Variants in POC1B observed in about 807,000 individuals in gnomAD.
The protein encoded by POC1B is POC1 centriolar protein homolog B.
In POC1B, 44 loss-of-function variants were observed where a neutral mutation model predicts 60.6. The ratio of observed to expected loss-of-function variants is 0.73; its 90% CI spans 0.57 to 0.93. The LOEUF is 0.93. Ranked by LOEUF, POC1B falls within the 40% of genes least tolerant of loss-of-function variation. POC1B has a pLI of 0.00. For missense variants in POC1B, 555 were observed against 572.3 expected, an observed-to-expected ratio of 0.97 and a Z score of 0.31; for synonymous variants, 180 against 198.9, an observed-to-expected ratio of 0.90 and a Z score of 0.80.
intron 7 of POC1B, among the ~76,000 whole-genome samples, chr12:89,469,878 A>AT (rs34404733): frequency 3.5e-4 from 52 of 147,410 alleles, no homozygotes; most frequent in Middle Eastern, 3.5e-3. Context: ...TTTTTCTTCC[A>AT]TTTTTTTTTT....
intron 7 of POC1B, among the ~76,000 whole-genome samples, chr12:89,468,004 G>A (rs911618436): frequency 6.6e-5 from 10 of 152,066 alleles, no homozygotes; most frequent in African/African-American, 2.4e-4. Context: ...TCTGGCTTTG[G>A]ACTCTGTATT....
the POC1B span, among the ~76,000 whole-genome samples, chr12:89,414,348 C>T: frequency 7.9e-5 from 12 of 152,078 alleles, no homozygotes; most frequent in Non-Finnish European, 8.8e-5. Flanking sequence ...GATTTGACTC[C>T]GAAGAAAATG....
At chr12:89,525,264 G>A in intron 1 of POC1B, 60 bp from the exon 2 acceptor site, 1 of 1,555,216 alleles carries the variant, frequency 6.4e-7, no homozygotes, top group East Asian at 2.3e-5. Context: ...CTGGCGGCTG[G>A]GATCCACGCT....
At position 89,425,215 on chromosome 12, in the gene POC1B, G is replaced by A. The variant is rs754250226; in HGVS notation, c.1278C>T (p.Leu426=). The A allele has an allele frequency of 8.7e-6, 14 of 1,614,042 alleles. No individual in the cohort carries two copies. Among genetic ancestry groups the A allele is most frequent in the Middle Eastern group, 1.6e-4 (1 of 6,084 alleles). ...TATGCTCTAAAGCATCAGTCACAGC[G>A]AGAGGTATGCTCCTTTGACTTTCAC... ...LPCESQRSIP[L]AVTDALEHIM... is the part of the protein sequence containing the mutation. The change falls in exon 11 of 12, where the codon CTC becomes CTT. Residue 426 remains leucine (L), a synonymous_variant. Transcript: ENST00000313546.
Position 89,524,741 on chromosome 12 carries a change from G to A in POC1B, c.100+379C>T, listed in dbSNP as rs963121221. On this transcript the variant is annotated intron_variant, in intron 2 of 11. Coordinates refer to ENST00000313546, the MANE Select transcript of POC1B (RefSeq NM_172240.3). ...CTCTCGGTCCTCGGCCTCCGGCACAGCCCAACTCCTCTCTCCCTACTTCCT... is the reference window on the plus strand; with the variant it reads ...CTCTCGGTCCTCGGCCTCCGGCACAACCCAACTCCTCTCTCCCTACTTCCT... The A allele has an allele frequency of 4.6e-6, 3 of 652,070 alleles. No individual in the cohort carries two copies. In the African/African-American group the frequency reaches 5.5e-5, roughly 12 times the overall value. The allele number at this position is 652,070 out of a possible 1,614,324, so 40.4% of individuals were successfully genotyped here.
chr12:89,431,936 C>A (rs1881047583), intron 10 of POC1B, among the ~76,000 whole-genome samples: 1 of 152,220 alleles, frequency 6.6e-6, no homozygotes, highest in Admixed American at 6.5e-5. Flanking sequence ...CTTCTAGAGG[C>A]TGTCCACATT....
chr12:89,514,402 C>CTGTTTTTTTTTTTTTTT (rs1870341231), intron 2 of POC1B, among the ~76,000 whole-genome samples: 1 of 67,088 alleles, frequency 1.5e-5, no homozygotes, highest in Non-Finnish European at 2.6e-5. Flanking sequence ...TCATGTATTT[C>CTGTTTTTTTTTTTTTTT]TTTTTTTTTT....
intron 10 of POC1B, chr12:89,427,400 G>T (rs551754969): frequency 6.6e-5 from 10 of 152,192 alleles, no homozygotes; most frequent in Non-Finnish European, 1.5e-4. Context: ...AACTCAAAAT[G>T]GATCATAAAG....
At chr12:89,423,436 C>G (rs118063484) in intron 11 of POC1B, among the ~76,000 whole-genome samples, 1 of 152,118 alleles carries the variant, frequency 6.6e-6, no homozygotes, top group Non-Finnish European at 1.5e-5. Flanking sequence ...TTGTGCCCAG[C>G]CCTTCAGACA....
At chr12:89,447,843 T>A (rs1021877788) in intron 10 of POC1B, among the ~76,000 whole-genome samples, 1 of 152,088 alleles carries the variant, frequency 6.6e-6, no homozygotes, top group South Asian at 2.1e-4. Flanking sequence ...AAGTTCCACC[T>A]ATGGGGACAA....
intron 7 of POC1B, among the ~76,000 whole-genome samples, chr12:89,467,908 T>C (rs1486740751): frequency 2.0e-5 from 3 of 152,182 alleles, no homozygotes; most frequent in South Asian, 2.1e-4. Flanking sequence ...AAAAAAATAC[T>C]AAAAATTAAT....
intron 10 of POC1B, chr12:89,429,388 G>T (rs150696316): frequency 2.6e-5 from 4 of 152,218 alleles, no homozygotes; most frequent in African/African-American, 9.6e-5. Context: ...AAAGTGAGAT[G>T]CACAGCATGG....
At chr12:89,435,895 G>A (rs533112865) in intron 10 of POC1B, among the ~76,000 whole-genome samples, 1 of 151,328 alleles carries the variant, frequency 6.6e-6, no homozygotes, top group African/African-American at 2.4e-5. Context: ...ATATGCATGT[G>A]TGTGTATGAA....
intron 4 of POC1B, among the ~76,000 whole-genome samples, chr12:89,476,607 C>T (rs901236036): frequency 6.6e-6 from 1 of 151,956 alleles, no homozygotes; most frequent in African/African-American, 2.4e-5. Flanking sequence ...ACTTGGGAGG[C>T]TAAGGCAAGA....
rs760330543 is a variant in POC1B, at chr12:89,525,144, G to A, written c.76C>T (p.Leu26Phe). The A allele has an allele frequency of 1.2e-6, 2 of 1,614,066 alleles. No individual in the cohort carries two copies. The highest frequency in any genetic ancestry group is 3.3e-5 in the Admixed American group (2 of 60,020). ...GHKAAITSLD[L>F]SPNGKQLATA... ...CCAAGTTGCTTGCCGTTGGGGCTGA[G>A]GTCCAAGGAGGTGATCGCAGCTTTG... Residue 26 changes from leucine (L) to phenylalanine (F), a missense_variant, in exon 2 of 12, where the codon CTC (leucine) becomes TTC (phenylalanine). Physicochemically the swap from Leu to Phe is conservative, Grantham distance 22 (BLOSUM62 0). Transcript: ENST00000313546.
chr12:89,523,161 A>G (rs1232396715), intron 2 of POC1B: 1 of 1,613,672 alleles, frequency 6.2e-7, no homozygotes, highest in South Asian at 1.1e-5. Context: ...GGTTGTTGTC[A>G]GGAGAATTAT....
chr12:89,497,422 CTAATAACAAGGCATCCAGG>C (rs1199811323), intron 2 of POC1B, 80 bp from the exon 3 acceptor site: 70 of 1,407,932 alleles, frequency 5.0e-5, no homozygotes, highest in Non-Finnish European at 6.7e-5. Flanking sequence ...AGCAGCATAT[CTAATAACAAGGCATCCAGG>C]TAATAGAGCG....
intron 2 of POC1B, chr12:89,502,795 C>G (rs976392842): frequency 7.7e-7 from 1 of 1,305,868 alleles, no homozygotes; most frequent in African/African-American, 1.5e-5. Context: ...TTTATGTTAA[C>G]TTTGGTGACC....
At chr12:89,491,829 T>C in intron 4 of POC1B, 107 bp downstream of exon 4, 2 of 883,324 alleles carry the variant, frequency 2.3e-6, no homozygotes, top group Non-Finnish European at 3.3e-6. Flanking sequence ...AAATATCTGT[T>C]GAATGAATGA....
Sources: gnomAD v4.1 joint callset for allele counts (sites outside exome capture counted in the v4.1 genomes callset) on GRCh38, gnomAD v4.1.1 for gene constraint, MANE v1.5 for transcripts, NCBI Gene and HGNC (gene_info 2026-07-23, HGNC 2026-07-21) for gene names.